Variants in TINAG observed in about 807,000 individuals in gnomAD.
TINAG encodes the protein tubulointerstitial nephritis antigen.
TINAG carries 83 observed loss-of-function variants against 72.7 expected under a neutral mutation model. The ratio of observed to expected loss-of-function variants is 1.14; its 90% CI spans 0.96 to 1.37. The LOEUF (loss-of-function observed/expected upper bound fraction) is 1.37. TINAG is among the 40% of genes most tolerant of loss of function. The probability of loss-of-function intolerance (pLI) is 0.00; values close to 1 mark genes in which losing one functional copy is unlikely to be tolerated. For synonymous variants in TINAG, 234 were observed against 189.9 expected (o/e 1.23, Z -1.91); for missense variants, 685 against 576.6 (o/e 1.19, Z -1.93).
chr6:54,321,333 T>G lies in TINAG; in HGVS notation c.456T>G (p.His152Gln), dbSNP rs1349548104. 1.2e-6 allele frequency: 2 copies of G among 1,613,770 alleles called. No homozygotes were observed. Among genetic ancestry groups the G allele is most frequent in the Admixed American group, 3.3e-5 (2 of 60,006 alleles). Residue 152 changes from histidine (H) to glutamine (Q), a missense_variant, in exon 3 of 11, where the codon CAT (histidine) becomes CAG (glutamine). Coordinates refer to ENST00000259782, the MANE Select transcript of TINAG (RefSeq NM_014464.4). ...GACAGCAATGGAAATGTTCCCAGCA[T>G]GTATGCCTTGTTCGTTCAGAATTAA... is the stretch of plus-strand genomic sequence containing the variant. ...CSGQQWKCSQ[H>Q]VCLVRSELIE...
At chr6:54,349,963 A>G in intron 7 of TINAG, 67 bp downstream of exon 7, 1 of 1,027,142 alleles carries the variant, frequency 9.7e-7, no homozygotes, top group African/African-American at 1.7e-5. Flanking sequence ...TACTGTAACT[A>G]AAACAATTTA....
Position 54,353,290 on chromosome 6 carries a change from C to T in TINAG, c.1127-1223C>T, listed in dbSNP as rs572846395. Among the ~76,000 whole-genome samples, 3 of 151,910 alleles carry T rather than the reference C, an allele frequency of 2.0e-5. 1 individual carries two copies. The South Asian group carries it at 6.2e-4, about 31-fold the overall frequency. ...TCAATGGTTCTACAGAAAAGAAAAG[C>T]CACTAGCAATATCTTCACATTTTTA... On this transcript the variant is annotated intron_variant, in intron 8 of 10. Transcript: ENST00000259782.
chr6:54,343,741 G>A (rs1436825258), intron 5 of TINAG, among the ~76,000 whole-genome samples: 1 of 149,338 alleles, frequency 6.7e-6, no homozygotes, highest in African/African-American at 2.5e-5. Context: ...CTCTTTATAT[G>A]ATTTGCAAAA....
chr6:54,321,566 GA>G (rs1049259526), intron 3 of TINAG, among the ~76,000 whole-genome samples, 180 bp downstream of exon 3: 2 of 152,168 alleles, frequency 1.3e-5, no homozygotes, highest in African/African-American at 2.4e-5. Flanking sequence ...TAATTAAAAT[GA>G]TCAAATAATA....
chr6:54,383,268 C>G (rs1321498951), intron 10 of TINAG, among the ~76,000 whole-genome samples: 1 of 152,048 alleles, frequency 6.6e-6, no homozygotes, highest in African/African-American at 2.4e-5. Context: ...AAAGCAAAAA[C>G]TTTATTCAAG....
intron 1 of TINAG, among the ~76,000 whole-genome samples, chr6:54,312,407 G>C (rs1784279301): frequency 6.6e-6 from 1 of 151,932 alleles, no homozygotes; most frequent in South Asian, 2.1e-4. Flanking sequence ...TCTCAATTCT[G>C]TTATTAGAAA....
At chr6:54,354,762 T>G in intron 9 of TINAG, 126 bp downstream of exon 9, 5 of 1,078,320 alleles carry the variant, frequency 4.6e-6, no homozygotes, top group Non-Finnish European at 6.5e-6. Context: ...AAAAATGATC[T>G]AAACCTTGCC....
chr6:54,381,627 C>T (rs1052927676), intron 10 of TINAG, among the ~76,000 whole-genome samples: 3 of 151,874 alleles, frequency 2.0e-5, no homozygotes, highest in Non-Finnish European at 2.9e-5. Flanking sequence ...TTAAACTGTG[C>T]TTTTAAAAAT....
At chr6:54,380,337 T>C (rs1763909020) in intron 9 of TINAG, among the ~76,000 whole-genome samples, 189 bp from the exon 10 acceptor site, 1 of 152,110 alleles carries the variant, frequency 6.6e-6, no homozygotes, top group Non-Finnish European at 1.5e-5. Context: ...TGCACATAAA[T>C]AATGTTATGG....
At chr6:54,349,080 A>G (rs915917645) in intron 6 of TINAG, among the ~76,000 whole-genome samples, 11 of 152,012 alleles carry the variant, frequency 7.2e-5, no homozygotes, top group Non-Finnish European at 1.5e-4. Flanking sequence ...ATCAGAAATC[A>G]AAATCATTTT....
chr6:54,376,245 A>G lies in TINAG; in HGVS notation c.1251-4281A>G, dbSNP rs74879183. Among the ~76,000 whole-genome samples the G allele has an allele frequency of 2.9e-3, 441 of 152,264 alleles. 6 individuals carry two copies. The East Asian group carries it at 0.035, about 12-fold the overall frequency. On this transcript the variant is annotated intron_variant, in intron 9 of 10. Coordinates refer to ENST00000259782, the MANE Select transcript of TINAG (RefSeq NM_014464.4). The stretch of plus-strand genomic sequence containing the variant: ...TTAAAAGTGACACTTACAGAATTCT[A>G]TCTATTTATATTCTTGTTTTTCATT...
intron 9 of TINAG, among the ~76,000 whole-genome samples, chr6:54,363,917 C>T (rs1298299009): frequency 6.6e-6 from 1 of 151,448 alleles, no homozygotes; most frequent in East Asian, 1.9e-4. Flanking sequence ...AGAGAGGGGA[C>T]CAAGTGGTAA....
At position 54,361,623 on chromosome 6, in the gene TINAG, G is replaced by C. The variant is rs144070199; in HGVS notation, c.1250+6987G>C. On this transcript the variant is annotated intron_variant, in intron 9 of 10. Coordinates refer to ENST00000259782, the MANE Select transcript of TINAG (RefSeq NM_014464.4). ...CATGAGATTTAGGTGGGGACACAGA[G>C]CCAAACCATATCAGAGTAGTCACAC... is the stretch of plus-strand genomic sequence containing the variant. Among the ~76,000 whole-genome samples, 285 of 151,778 alleles carry C rather than the reference G, an allele frequency of 1.9e-3. 1 individual carries two copies. Among genetic ancestry groups the C allele is most frequent in the African/African-American group, 6.6e-3 (275 of 41,482 alleles).
chr6:54,384,093 T>C (rs1013912638), intron 10 of TINAG, among the ~76,000 whole-genome samples: 1 of 152,064 alleles, frequency 6.6e-6, no homozygotes, highest in Non-Finnish European at 1.5e-5. Flanking sequence ...CTCAGCAAAC[T>C]AACACAGGAA....
chr6:54,351,533 T>A, intron 8 of TINAG, 136 bp downstream of exon 8: 1 of 673,592 alleles, frequency 1.5e-6, no homozygotes, highest in Non-Finnish European at 2.4e-6. Context: ...TCAACAGTTC[T>A]AAAATGAGTG....
intron 4 of TINAG, 51 bp from the exon 5 acceptor site, chr6:54,343,175 T>C: frequency 1.4e-6 from 2 of 1,410,034 alleles, no homozygotes; most frequent in Non-Finnish European, 9.3e-7. Context: ...CATTTTCCTA[T>C]TGAGACATAT....
At position 54,358,534 on chromosome 6, in the gene TINAG, C is replaced by CAAA. The variant is rs34091915; in HGVS notation, c.1250+3913_1250+3915dup. ...ATATTTACATGGAGAAGTTATTCGT[C>CAAA]AAAAAAAAAAAAAAAAAGATTAGGG... On this transcript the variant is annotated intron_variant, in intron 9 of 10. Transcript: ENST00000259782. Among the ~76,000 whole-genome samples the CAAA allele has an allele frequency of 4.3e-3, 490 of 112,924 alleles. 5 individuals carry two copies. In the East Asian group the frequency reaches 0.052, roughly 12 times the overall value. 74.1% of individuals were successfully genotyped at this position (112,924 alleles called of 152,430 possible). A position where few individuals can be genotyped will look rare whatever the true frequency, so the allele number is the denominator to read the frequency against.
At chr6:54,368,967 A>T (rs1254938071) in intron 9 of TINAG, among the ~76,000 whole-genome samples, 2 of 151,858 alleles carry the variant, frequency 1.3e-5, no homozygotes, top group Non-Finnish European at 2.9e-5. Flanking sequence ...TATACAATAT[A>T]TGAAATATAT....
intron 4 of TINAG, among the ~76,000 whole-genome samples, chr6:54,343,019 C>T (rs1371717893): frequency 6.6e-6 from 1 of 152,054 alleles, no homozygotes; most frequent in Non-Finnish European, 1.5e-5. Context: ...TTTCTCATGA[C>T]CTTGTATTAG....
Sources: gnomAD v4.1 joint callset for allele counts (sites outside exome capture counted in the v4.1 genomes callset) on GRCh38, gnomAD v4.1.1 for gene constraint, MANE v1.5 for transcripts, NCBI Gene and HGNC (gene_info 2026-07-23, HGNC 2026-07-21) for gene names.